The following TMEM170B variants were observed in gnomAD, a reference collection of about 807,000 sequenced individuals.
TMEM170B encodes the protein transmembrane protein 170B.
In TMEM170B, 6 loss-of-function variants were observed where a neutral mutation model predicts 13.0. The ratio of observed to expected loss-of-function variants is 0.46; its 90% CI spans 0.25 to 0.91. The LOEUF is 0.91. Ranked by LOEUF, TMEM170B falls within the 40% of genes least tolerant of loss-of-function variation. TMEM170B has a pLI of 0.17. For synonymous variants in TMEM170B, 61 were observed against 64.9 expected, an observed-to-expected ratio of 0.94 and a Z score of 0.29; for missense variants, 138 against 165.2, an observed-to-expected ratio of 0.84 and a Z score of 0.90.
At chr6:11,557,776 C>CT (rs1264396393) in intron 1 of TMEM170B, among the ~76,000 whole-genome samples, 16 of 152,338 alleles carry the variant, frequency 1.1e-4, no homozygotes, top group African/African-American at 3.8e-4. Context: ...TCGCTCATCT[C>CT]TATCATCCAG....
intron 1 of TMEM170B, among the ~76,000 whole-genome samples, chr6:11,558,694 G>A (rs547574079): frequency 3.9e-5 from 6 of 152,222 alleles, no homozygotes; most frequent in African/African-American, 1.4e-4. Context: ...CACGTGTGGC[G>A]ATGACTCTTC....
chr6:11,566,910 C>T (rs1283152338), intron 2 of TMEM170B, among the ~76,000 whole-genome samples: 3 of 152,240 alleles, frequency 2.0e-5, no homozygotes, highest in Admixed American at 1.3e-4. Flanking sequence ...TCATACTCCA[C>T]CATTTTGTTT....
chr6:11,538,844 C>G (rs1418551752), intron 1 of TMEM170B, among the ~76,000 whole-genome samples: 6 of 152,156 alleles, frequency 3.9e-5, no homozygotes, highest in Non-Finnish European at 8.8e-5. Flanking sequence ...GGTCGATTTA[C>G]TTTTTCAACC....
chr6:11,544,590 C>A (rs757624847), intron 1 of TMEM170B, among the ~76,000 whole-genome samples: 5 of 152,286 alleles, frequency 3.3e-5, no homozygotes, highest in Non-Finnish European at 5.9e-5. Flanking sequence ...AGTTTTAGAA[C>A]TCCTACCAAG....
chr6:11,560,753 A>G (rs190969059), intron 1 of TMEM170B, among the ~76,000 whole-genome samples: 202 of 152,220 alleles, frequency 1.3e-3, no homozygotes, highest in Admixed American at 4.1e-3. Flanking sequence ...CCATTTGGTT[A>G]TATGTTTTCT....
chr6:11,558,803 A>G (rs601543), intron 1 of TMEM170B, among the ~76,000 whole-genome samples: 5,787 of 152,288 alleles, frequency 0.038, 162 homozygotes, highest in Middle Eastern at 0.061. Flanking sequence ...GAATTAGAAC[A>G]TATGTAATTG....
At chr6:11,545,709 A>T (rs115831930) in intron 1 of TMEM170B, among the ~76,000 whole-genome samples, 1,590 of 151,734 alleles carry the variant, frequency 0.01, 28 homozygotes, top group African/African-American at 0.035. Flanking sequence ...ATTTTTTATC[A>T]TTATTTTAGA....
At chr6:11,570,773 C>T (rs1582146610) in intron 2 of TMEM170B, among the ~76,000 whole-genome samples, 1 of 152,066 alleles carries the variant, frequency 6.6e-6, no homozygotes, top group East Asian at 1.9e-4. Flanking sequence ...TGTTGCTAAA[C>T]AAGATGAGGG....
In TMEM170B at chr6:11,577,122, T is replaced by A. The variant is rs1759885281; in HGVS notation, c.*1561T>A. On this transcript the variant is annotated 3_prime_UTR_variant, in exon 3 of 3. Coordinates refer to ENST00000379426, the MANE Select transcript of TMEM170B (RefSeq NM_001100829.3). ...GGCCTTTGTTATATTACATTCAAATTTAAGAACTTTGTTACCCATACCACT... is the reference window on the plus strand; with the variant it reads ...GGCCTTTGTTATATTACATTCAAATATAAGAACTTTGTTACCCATACCACT... 1 of 152,068 alleles carries A rather than the reference T, an allele frequency of 6.6e-6. No individual in the cohort carries two copies. Among genetic ancestry groups the A allele is most frequent in the East Asian group, 1.9e-4 (1 of 5,204 alleles). The allele number at this position is 152,068 out of a possible 1,614,324, so 9.4% of individuals were successfully genotyped here. A position where few individuals can be genotyped will look rare whatever the true frequency, so the allele number is the denominator to read the frequency against.
intron 1 of TMEM170B, among the ~76,000 whole-genome samples, chr6:11,551,464 G>T (rs950868719): frequency 3.9e-5 from 6 of 152,186 alleles, no homozygotes; most frequent in Non-Finnish European, 8.8e-5. Flanking sequence ...GCTAAGGGAA[G>T]ACTAGGGGCA....
At chr6:11,549,186 C>T (rs1316204842) in intron 1 of TMEM170B, among the ~76,000 whole-genome samples, 2 of 152,092 alleles carry the variant, frequency 1.3e-5, no homozygotes, top group African/African-American at 4.8e-5. Flanking sequence ...TTATTGAAAC[C>T]TCACTGTGTA....
In TMEM170B at chr6:11,577,871, T is replaced by C. The variant is rs779721252; in HGVS notation, c.*2310T>C. The C allele has an allele frequency of 6.6e-6, 1 of 152,094 alleles. No homozygotes were observed. The highest frequency in any genetic ancestry group is 6.6e-5 in the Admixed American group (1 of 15,262). The allele number at this position is 152,094 out of a possible 1,614,324, so 9.4% of individuals were successfully genotyped here. A position where few individuals can be genotyped will look rare whatever the true frequency, so the allele number is the denominator to read the frequency against. ...TCTTTGCTGTTTTCAGTTATTTCCATTGAGATTTTGTGCAACTGTCTCTCT... is the reference window on the plus strand; with the variant it reads ...TCTTTGCTGTTTTCAGTTATTTCCACTGAGATTTTGTGCAACTGTCTCTCT... On this transcript the variant is annotated 3_prime_UTR_variant, in exon 3 of 3. Coordinates refer to ENST00000379426, the MANE Select transcript of TMEM170B (RefSeq NM_001100829.3).
intron 1 of TMEM170B, among the ~76,000 whole-genome samples, chr6:11,550,171 A>G (rs1041806965): frequency 1.4e-5 from 2 of 139,010 alleles, no homozygotes; most frequent in African/African-American, 2.7e-5. Context: ...CGTGGCTTAT[A>G]TAATTTTTTT....
At chr6:11,549,491 G>A (rs1411856901) in intron 1 of TMEM170B, among the ~76,000 whole-genome samples, 3 of 151,634 alleles carry the variant, frequency 2.0e-5, no homozygotes, top group African/African-American at 4.8e-5. Flanking sequence ...GTGAAACCCC[G>A]TCTCTACTAA....
rs780202345 is a variant in TMEM170B, at chr6:11,575,564, T to C, written c.*3T>C. 1 of 1,612,546 alleles carries C rather than the reference T, an allele frequency of 6.2e-7. No homozygotes were observed. The highest frequency in any genetic ancestry group is 1.7e-5 in the Admixed American group (1 of 59,938). On this transcript the variant is annotated 3_prime_UTR_variant, in exon 3 of 3. Coordinates refer to ENST00000379426, the MANE Select transcript of TMEM170B (RefSeq NM_001100829.3). The surrounding 1 kb of genome is among the most constrained non-coding windows in gnomAD (Gnocchi z 4.1). ...CAAGGATCCTCGCTACACTTTGAGGTTTCTGTGGGAATGTCTTACTTCACA... is the reference window on the plus strand; with the variant it reads ...CAAGGATCCTCGCTACACTTTGAGGCTTCTGTGGGAATGTCTTACTTCACA...
At position 11,576,399 on chromosome 6, in the gene TMEM170B, A is replaced by G. The variant is rs1322656551; in HGVS notation, c.*838A>G. 6.6e-6 allele frequency: 1 copy of G among 152,212 alleles called. No homozygotes were observed. The highest frequency in any genetic ancestry group is 1.9e-4 in the East Asian group (1 of 5,202). 9.4% of individuals were successfully genotyped at this position (152,212 alleles called of 1,614,324 possible). On this transcript the variant is annotated 3_prime_UTR_variant, in exon 3 of 3. Transcript: ENST00000379426. Reference sequence around the variant, plus strand: ...TTTTCTTAAAAATTTTTGTAAGAAAAAAGTCTGAAATGCATGTTGCATTCT... The same window carrying G: ...TTTTCTTAAAAATTTTTGTAAGAAAGAAGTCTGAAATGCATGTTGCATTCT...
intron 1 of TMEM170B, among the ~76,000 whole-genome samples, chr6:11,549,753 A>G (rs1247499240): frequency 6.6e-6 from 1 of 152,052 alleles, no homozygotes; most frequent in African/African-American, 2.4e-5. Flanking sequence ...AAAGAAAAAG[A>G]TTTTTTTCAC....
At chr6:11,551,366 T>C (rs1323185412) in intron 1 of TMEM170B, among the ~76,000 whole-genome samples, 2 of 152,194 alleles carry the variant, frequency 1.3e-5, no homozygotes, top group African/African-American at 4.8e-5. Flanking sequence ...GCGAGCAGAC[T>C]GCACAAGGGT....
rs1759891046 is a variant in TMEM170B, at chr6:11,577,254, G to A, written c.*1693G>A. On this transcript the variant is annotated 3_prime_UTR_variant, in exon 3 of 3. Coordinates refer to ENST00000379426, the MANE Select transcript of TMEM170B (RefSeq NM_001100829.3). ...CAATTTGGGAGATTTACTAACACTG[G>A]CTTGGAAATTTGTTTTAAAAAAATA... 1 of 151,990 alleles carries A rather than the reference G, an allele frequency of 6.6e-6. No homozygotes were observed. Among genetic ancestry groups the A allele is most frequent in the African/African-American group, 2.4e-5 (1 of 41,396 alleles). The allele number at this position is 151,990 out of a possible 1,614,324, so 9.4% of individuals were successfully genotyped here.
Sources: allele counts gnomAD v4.1 joint callset (sites outside exome capture counted in the v4.1 genomes callset), GRCh38; gene constraint gnomAD v4.1.1; non-coding constraint Gnocchi (gnomAD v3.1); transcripts MANE v1.5; gene names NCBI Gene and HGNC (gene_info 2026-07-23, HGNC 2026-07-21).